PLCB1: variants seen among roughly 807,000 people sequenced by gnomAD.
The protein encoded by PLCB1 is phospholipase C beta 1, also known as 1-phosphatidylinositol 4,5-bisphosphate phosphodiesterase beta-1.
PLCB1 carries 46 observed loss-of-function variants against 161.8 expected under a neutral mutation model. The ratio of observed to expected loss-of-function variants is 0.28; its 90% CI spans 0.22 to 0.36. PLCB1 has a LOEUF of 0.36. PLCB1 is among the 10% of genes least tolerant of loss of function. PLCB1 has a pLI of 1.00. For missense variants in PLCB1, 1,016 were observed against 1,472.5 expected, an observed-to-expected ratio of 0.69 and a Z score of 5.07; for synonymous variants, 517 against 503.7, an observed-to-expected ratio of 1.03 and a Z score of -0.35.
chr20:8,656,680 G>A (rs1989465936), intron 7 of PLCB1, among the ~76,000 whole-genome samples: 1 of 151,204 alleles, frequency 6.6e-6, no homozygotes, highest in Non-Finnish European at 1.5e-5. Context: ...TAAACCAGAG[G>A]GAACATAGTT....
chr20:8,780,994 G>GT (rs1983191631), intron 27 of PLCB1, among the ~76,000 whole-genome samples: 1 of 152,332 alleles, frequency 6.6e-6, no homozygotes, highest in African/African-American at 2.4e-5. Context: ...AAGTATTACA[G>GT]TTTTTTATAT....
chr20:8,209,532 A>G lies in PLCB1; in HGVS notation c.177+59161A>G, dbSNP rs1254078113. On this transcript the variant is annotated intron_variant, in intron 2 of 31. Transcript: ENST00000338037. ...TTAAAATGTTATTTTATTTCCTTAAACTTATTTGTTTTTCTTTTTTTAAAT... is the reference window on the plus strand; with the variant it reads ...TTAAAATGTTATTTTATTTCCTTAAGCTTATTTGTTTTTCTTTTTTTAAAT... 2.6e-5 allele frequency among the ~76,000 whole-genome samples: 4 copies of G among 152,218 alleles called. No individual in the cohort carries two copies. In the East Asian group the frequency reaches 7.7e-4, roughly 29 times the overall value.
At chr20:8,649,272 A>G in intron 6 of PLCB1, 102 bp from the exon 7 acceptor site, 1 of 714,184 alleles carries the variant, frequency 1.4e-6, no homozygotes, top group Non-Finnish European at 2.5e-6. Flanking sequence ...ATGAATAATA[A>G]ATAGATTTGA....
At chr20:8,621,076 GTGTC>G (rs1229588436) in intron 3 of PLCB1, among the ~76,000 whole-genome samples, 1 of 152,178 alleles carries the variant, frequency 6.6e-6, no homozygotes, top group Non-Finnish European at 1.5e-5. Flanking sequence ...CATTGTAAAA[GTGTC>G]TGTGCATTCT....
At chr20:8,444,483 A>G (rs1980721334) in intron 3 of PLCB1, among the ~76,000 whole-genome samples, 1 of 152,154 alleles carries the variant, frequency 6.6e-6, no homozygotes, top group Admixed American at 6.5e-5. Context: ...AGTCTTTGCA[A>G]TTGTGAATAG....
At chr20:8,371,259 T>C (rs1394849944) in intron 2 of PLCB1, 123 bp from the exon 3 acceptor site, 4 of 616,514 alleles carry the variant, frequency 6.5e-6, no homozygotes, top group Non-Finnish European at 8.6e-6. Context: ...GAAAGAAATA[T>C]CCCAACTGCA....
chr20:8,645,482 T>C (rs934177136), intron 4 of PLCB1, among the ~76,000 whole-genome samples: 2 of 152,182 alleles, frequency 1.3e-5, no homozygotes, highest in Non-Finnish European at 2.9e-5. Flanking sequence ...ACTTCTATAT[T>C]TTTTTGTAGA....
At chr20:8,516,350 A>G (rs963972342) in intron 3 of PLCB1, among the ~76,000 whole-genome samples, 6 of 152,128 alleles carry the variant, frequency 3.9e-5, no homozygotes, top group Non-Finnish European at 5.9e-5. Flanking sequence ...AGCCAGTTAC[A>G]TAGTTAAGCT....
At chr20:8,692,703 T>A (rs1241619130) in intron 10 of PLCB1, among the ~76,000 whole-genome samples, 1 of 152,116 alleles carries the variant, frequency 6.6e-6, no homozygotes, top group East Asian at 1.9e-4. Flanking sequence ...GTCTTTTTGG[T>A]CTCCTTATGG....
At position 8,577,275 on chromosome 20, in the gene PLCB1, A is replaced by C. The variant is rs570705611; in HGVS notation, c.247-51019A>C. 7.7e-5 allele frequency among the ~76,000 whole-genome samples: 11 copies of C among 143,524 alleles called. No individual in the cohort carries two copies. In the East Asian group the frequency reaches 2.2e-3, roughly 29 times the overall value. The allele number at this position is 143,524 out of a possible 152,430, so 94.2% of individuals were successfully genotyped here. A position where few individuals can be genotyped will look rare whatever the true frequency, so the allele number is the denominator to read the frequency against. On this transcript the variant is annotated intron_variant, in intron 3 of 31. Coordinates refer to ENST00000338037, the MANE Select transcript of PLCB1 (RefSeq NM_015192.4). Reference sequence around the variant, plus strand: ...AAACCCCGTCTCTATTAAAAATACAAAAAAAAAAAAAAATTAGCTGGGCGT... The same window carrying C: ...AAACCCCGTCTCTATTAAAAATACACAAAAAAAAAAAAATTAGCTGGGCGT...
At chr20:8,154,987 G>A (rs1030125514) in intron 2 of PLCB1, among the ~76,000 whole-genome samples, 8 of 151,948 alleles carry the variant, frequency 5.3e-5, no homozygotes, top group Admixed American at 2.0e-4. Context: ...TCTCATCACC[G>A]TTATTAATCT....
At chr20:8,187,556 T>C (rs1180341607) in intron 2 of PLCB1, among the ~76,000 whole-genome samples, 1 of 152,164 alleles carries the variant, frequency 6.6e-6, no homozygotes, top group African/African-American at 2.4e-5. Flanking sequence ...TTAACAGTAG[T>C]GACTGGCAGG....
intron 2 of PLCB1, among the ~76,000 whole-genome samples, chr20:8,274,059 A>T (rs1370164496): frequency 6.6e-6 from 1 of 152,166 alleles, no homozygotes; most frequent in African/African-American, 2.4e-5. Context: ...AGAAGAAACT[A>T]GCTGGATATT....
chr20:8,510,214 A>G (rs16994849), intron 3 of PLCB1, among the ~76,000 whole-genome samples: 23,649 of 152,086 alleles, frequency 0.16, 2,107 homozygotes, highest in East Asian at 0.4. Flanking sequence ...TAAAGTGTCA[A>G]CTATAACAAG....
rs1253018684 is a variant in PLCB1 at position 8,154,944 on chromosome 20, C to T, written c.177+4573C>T. ...TAGTTACATTCCAACTACCTCCCCA[C>T]TTTTTGCTTCCTTTAAGATATTTCT... On this transcript the variant is annotated intron_variant, in intron 2 of 31. Coordinates refer to ENST00000338037, the MANE Select transcript of PLCB1 (RefSeq NM_015192.4). Among the ~76,000 whole-genome samples the T allele has an allele frequency of 2.0e-5, 3 of 152,168 alleles. No homozygotes were observed. The East Asian group carries it at 5.8e-4, about 29-fold the overall frequency.
chr20:8,224,102 A>G (rs959364712), intron 2 of PLCB1, among the ~76,000 whole-genome samples: 4 of 152,198 alleles, frequency 2.6e-5, no homozygotes, highest in African/African-American at 9.6e-5. Flanking sequence ...ATGTAACTTA[A>G]TTTGCACATT....
At chr20:8,557,714 A>G (rs1334832619) in intron 3 of PLCB1, among the ~76,000 whole-genome samples, 1 of 151,740 alleles carries the variant, frequency 6.6e-6, no homozygotes, top group Non-Finnish European at 1.5e-5. Flanking sequence ...GGCTATCTAT[A>G]TTTTATCACA....
intron 2 of PLCB1, among the ~76,000 whole-genome samples, chr20:8,240,969 C>A (rs1247659992): frequency 6.6e-6 from 1 of 151,844 alleles, no homozygotes; most frequent in Non-Finnish European, 1.5e-5. Flanking sequence ...AGTATAATTG[C>A]CAAATTATGG....
chr20:8,340,978 G>GCCCTGCTATTT (rs1372335344), intron 2 of PLCB1, among the ~76,000 whole-genome samples: 18 of 152,108 alleles, frequency 1.2e-4, no homozygotes, highest in African/African-American at 4.3e-4. Context: ...CTATTTTCAG[G>GCCCTGCTATTT]CAAGATGCCC....
Sources: allele counts gnomAD v4.1 joint callset (sites outside exome capture counted in the v4.1 genomes callset), GRCh38; gene constraint gnomAD v4.1.1; transcripts MANE v1.5; gene names NCBI Gene and HGNC (gene_info 2026-07-23, HGNC 2026-07-21).